GTF2H2: variants seen among roughly 807,000 people sequenced by gnomAD.
GTF2H2 encodes general transcription factor IIH subunit 2, also known as TFIIH basal transcription factor complex p44 subunit.
GTF2H2 carries 2 observed loss-of-function variants against 16.5 expected under a neutral mutation model. The ratio of observed to expected loss-of-function variants is 0.12; its 90% CI spans 0.05 to 0.38. The LOEUF (loss-of-function observed/expected upper bound fraction) is 0.38, where lower values mean the gene tolerates loss of function less well. GTF2H2 is among the 10% of genes least tolerant of loss of function. The pLI is 0.99. For missense variants in GTF2H2, 20 were observed against 137.0 expected (o/e 0.15, Z 4.26); for synonymous variants, 8 against 44.1 (o/e 0.18, Z 3.24).
chr5:71,039,708 C>G (rs1200732481), intron 14 of GTF2H2, among the ~76,000 whole-genome samples: 16 of 132,076 alleles, frequency 1.2e-4, no homozygotes, highest in African/African-American at 4.8e-4. Context: ...TTCTATAGTA[C>G]TGGGTTTTTC....
Position 71,046,048 on chromosome 5 carries a change from T to C in GTF2H2, c.758-541A>G, listed in dbSNP as rs1580970185. On this transcript the variant is annotated intron_variant, in intron 11 of 15. Transcript: ENST00000274400. ...GTTTATGCTTTTATGTTTAAAATTTTGAAATGCTCAAATCTTTCATGTAAT... is the reference window on the plus strand; with the variant it reads ...GTTTATGCTTTTATGTTTAAAATTTCGAAATGCTCAAATCTTTCATGTAAT... Among the ~76,000 whole-genome samples the C allele has an allele frequency of 1.4e-5, 2 of 142,824 alleles. 1 individual carries two copies. Among genetic ancestry groups the C allele is most frequent in the Admixed American group, 1.4e-4 (2 of 13,860 alleles). The allele number at this position is 142,824 out of a possible 152,430, so 93.7% of individuals were successfully genotyped here.
In GTF2H2 at chr5:71,038,175, C is replaced by G. The variant is rs1191565776; in HGVS notation, c.1029-629G>C. ...AGTGCTGAGGTGCTATCACGGCTCA[C>G]TGCAGCCTCAACCTCCTGGGCTCAA... is the stretch of plus-strand genomic sequence containing the variant. On this transcript the variant is annotated intron_variant, in intron 14 of 15. Transcript: ENST00000274400. Among the ~76,000 whole-genome samples the G allele has an allele frequency of 3.7e-5, 3 of 82,100 alleles. 1 individual carries two copies. Among genetic ancestry groups the G allele is most frequent in the Non-Finnish European group, 7.6e-5 (3 of 39,708 alleles). 53.9% of individuals were successfully genotyped at this position (82,100 alleles called of 152,430 possible). A position where few individuals can be genotyped will look rare whatever the true frequency, so the allele number is the denominator to read the frequency against.
intron 11 of GTF2H2, among the ~76,000 whole-genome samples, chr5:71,047,086 TAC>T (rs1456022317): frequency 1.1e-4 from 11 of 96,462 alleles, no homozygotes; most frequent in East Asian, 6.6e-4. Context: ...GATCATCCAG[TAC>T]AGAGAATTTT....
chr5:71,046,001 C>T (rs1752312728), intron 11 of GTF2H2, among the ~76,000 whole-genome samples: 1 of 144,908 alleles, frequency 6.9e-6, no homozygotes, highest in Admixed American at 7.1e-5. Flanking sequence ...CTGAAGATAT[C>T]ATAGTACACC....
At chr5:71,057,385 G>A (rs2666635) in intron 7 of GTF2H2, among the ~76,000 whole-genome samples, 1 of 143,216 alleles carries the variant, frequency 7.0e-6, no homozygotes, top group Non-Finnish European at 1.5e-5. Flanking sequence ...GTAATTGGGT[G>A]GAGTTTTTTT....
intron 11 of GTF2H2, among the ~76,000 whole-genome samples, chr5:71,045,838 C>T (rs1164042911): frequency 1.5e-5 from 2 of 132,062 alleles, no homozygotes. Flanking sequence ...ACTGCATCCT[C>T]CACTGCCTGG....
intron 8 of GTF2H2, among the ~76,000 whole-genome samples, chr5:71,052,871 G>C (rs1318581259): frequency 2.6e-5 from 2 of 77,826 alleles, no homozygotes; most frequent in African/African-American, 1.1e-4. Flanking sequence ...AGCCTCCTGA[G>C]AAGTTAGGGA....
At position 71,037,724 on chromosome 5, in the gene GTF2H2, C is replaced by G. The variant is rs1394998096; in HGVS notation, c.1029-178G>C. 6.2e-5 allele frequency among the ~76,000 whole-genome samples: 4 copies of G among 64,426 alleles called. 1 individual carries two copies. Among genetic ancestry groups the G allele is most frequent in the Non-Finnish European group, 3.0e-5 (1 of 33,394 alleles). The allele number at this position is 64,426 out of a possible 152,430, so 42.3% of individuals were successfully genotyped here. ...CAGTGGCTCACGCCTATAATCCCAG[C>G]ACTTTGGGAGGCCGAGGCGGGTGGA... On this transcript the variant is annotated intron_variant, in intron 14 of 15. Transcript: ENST00000274400.
intron 11 of GTF2H2, among the ~76,000 whole-genome samples, chr5:71,046,551 T>C (rs2666574): frequency 0.4 from 22,621 of 56,346 alleles, 5,183 homozygotes; most frequent in African/African-American, 0.64. Context: ...CATTTAAAAA[T>C]ATACATATTA....
intron 7 of GTF2H2, chr5:71,058,290 C>T (rs566697200): frequency 7.3e-6 from 1 of 137,228 alleles, no homozygotes; most frequent in African/African-American, 2.8e-5. Context: ...ATATTCCTAC[C>T]TTGGAGGAAC....
intron 11 of GTF2H2, 71 bp from the exon 12 acceptor site, chr5:71,045,578 AAT>A: frequency 1.1e-6 from 1 of 876,556 alleles, no homozygotes; most frequent in Non-Finnish European, 1.8e-6. Flanking sequence ...AGAACCTAAA[AAT>A]GTTCTTCTCA....
intron 8 of GTF2H2, among the ~76,000 whole-genome samples, chr5:71,054,404 T>A (rs1753016788): frequency 6.8e-6 from 1 of 146,018 alleles, no homozygotes; most frequent in African/African-American, 2.6e-5. Context: ...TATAAAGGTA[T>A]AAGTCTGAGC....
Position 71,038,432 on chromosome 5 carries a change from A to G in GTF2H2, c.1029-886T>C, listed in dbSNP as rs1342328541. Among the ~76,000 whole-genome samples, 6 of 88,192 alleles carry G rather than the reference A, an allele frequency of 6.8e-5. 2 individuals are homozygous for G. The highest frequency in any genetic ancestry group is 2.4e-5 in the Non-Finnish European group (1 of 41,500). 57.9% of individuals were successfully genotyped at this position (88,192 alleles called of 152,430 possible). A position where few individuals can be genotyped will look rare whatever the true frequency, so the allele number is the denominator to read the frequency against. On this transcript the variant is annotated intron_variant, in intron 14 of 15. Transcript: ENST00000274400. ...CGTTTGTTTGATAGTCACTTACTCTAATAAGTGCTACTTTGTGATTCTTCA... is the reference window on the plus strand; with the variant it reads ...CGTTTGTTTGATAGTCACTTACTCTGATAAGTGCTACTTTGTGATTCTTCA...
chr5:71,037,945 C>T (rs1164867964), intron 14 of GTF2H2, among the ~76,000 whole-genome samples: 1 of 42,878 alleles, frequency 2.3e-5, no homozygotes, highest in Non-Finnish European at 4.1e-5. Context: ...GCACTCCACA[C>T]TGAGCAACGG....
chr5:71,054,733 G>T lies in GTF2H2; in HGVS notation c.470+619C>A, dbSNP rs1419156955. 2.2e-5 allele frequency among the ~76,000 whole-genome samples: 3 copies of T among 135,230 alleles called. 1 individual carries two copies. The highest frequency in any genetic ancestry group is 4.7e-5 in the Non-Finnish European group (3 of 63,250). The allele number at this position is 135,230 out of a possible 152,430, so 88.7% of individuals were successfully genotyped here. ...TATACGTGTGTGTGTGTGTGTGTGT[G>T]TGTGTGTGTGTGTGTGTGTATATAT... On this transcript the variant is annotated intron_variant, in intron 8 of 15. Coordinates refer to ENST00000274400, the Ensembl canonical transcript of GTF2H2.
intron 9 of GTF2H2, 62 bp downstream of exon 9, chr5:71,049,006 A>AATTTATTT: frequency 2.0e-6 from 1 of 502,982 alleles, no homozygotes. Context: ...ATATATATAT[A>AATTTATTT]AATCAATTTG....
intron 9 of GTF2H2, 32 bp from the exon 10 acceptor site, chr5:71,048,881 AG>A (rs1752564955): frequency 1.9e-6 from 1 of 524,280 alleles, no homozygotes. Context: ...AGATAGTTTT[AG>A]GAAAGAAGAA....
At chr5:71,053,308 TG>T (rs1222046792) in intron 8 of GTF2H2, among the ~76,000 whole-genome samples, 1 of 141,948 alleles carries the variant, frequency 7.0e-6, no homozygotes, top group African/African-American at 2.7e-5. Context: ...TCTTAGGAGA[TG>T]GGGGGGCCGA....
At chr5:71,051,002 A>G (rs1225263006) in intron 8 of GTF2H2, among the ~76,000 whole-genome samples, 1 of 137,052 alleles carries the variant, frequency 7.3e-6, no homozygotes, top group African/African-American at 2.8e-5. Flanking sequence ...ATGCACCACC[A>G]TGCCCAGATA....
Sources: allele counts gnomAD v4.1 joint callset (sites outside exome capture counted in the v4.1 genomes callset), GRCh38; gene constraint gnomAD v4.1.1; transcripts MANE v1.5; gene names NCBI Gene and HGNC (gene_info 2026-07-23, HGNC 2026-07-21).